Variants in PCDH7 observed in about 807,000 individuals in gnomAD.
The protein encoded by PCDH7 is protocadherin 7, also known as protocadherin-7.
Under a neutral mutation model 58.9 loss-of-function variants are expected in PCDH7, and 17 were observed. The ratio of observed to expected loss-of-function variants is 0.29; its 90% CI spans 0.20 to 0.43. The LOEUF is 0.43. PCDH7 is among the 20% of genes least tolerant of loss of function. The probability of loss-of-function intolerance (pLI) is 1.00; values close to 1 mark genes in which losing one functional copy is unlikely to be tolerated. For missense variants in PCDH7, 1,274 were observed against 1,441.0 expected (o/e 0.88, Z 1.88); for synonymous variants, 664 against 616.4 (o/e 1.08, Z -1.14).
intron 1 of PCDH7, among the ~76,000 whole-genome samples, chr4:30,858,607 A>G (rs1578070796): frequency 6.6e-6 from 1 of 152,332 alleles, no homozygotes; most frequent in South Asian, 2.1e-4. Flanking sequence ...TTTTAGAAAT[A>G]CCTTTCTGCA....
At chr4:30,885,065 C>A (rs887255240) in intron 1 of PCDH7, 2 of 152,096 alleles carry the variant, frequency 1.3e-5, no homozygotes, top group African/African-American at 4.8e-5. Flanking sequence ...GTGGCTTTGT[C>A]AACTGAGAAT....
chr4:30,792,257 A>G (rs918969306), intron 1 of PCDH7, among the ~76,000 whole-genome samples: 2 of 152,202 alleles, frequency 1.3e-5, no homozygotes, highest in Admixed American at 6.5e-5. Flanking sequence ...TGAAAGAAAT[A>G]TATTAATTAA....
At chr4:30,949,712 G>T (rs1578392246) in intron 2 of PCDH7, among the ~76,000 whole-genome samples, 2 of 152,174 alleles carry the variant, frequency 1.3e-5, no homozygotes, top group East Asian at 3.9e-4. Flanking sequence ...TAACAGCTAG[G>T]TAGAGACAGA....
chr4:31,045,737 C>T (rs966588510), intron 3 of PCDH7, among the ~76,000 whole-genome samples: 10 of 151,956 alleles, frequency 6.6e-5, no homozygotes, highest in Non-Finnish European at 1.3e-4. Context: ...TACATCCTTG[C>T]ATTAAGCTGG....
chr4:30,800,000 C>A (rs1200982588), intron 1 of PCDH7, among the ~76,000 whole-genome samples: 1 of 151,610 alleles, frequency 6.6e-6, no homozygotes. Flanking sequence ...ACTACAGGCA[C>A]ACACCACCAC....
At chr4:30,846,513 G>C (rs1447367) in intron 1 of PCDH7, among the ~76,000 whole-genome samples, 18,292 of 150,998 alleles carry the variant, frequency 0.12, 1,514 homozygotes, top group East Asian at 0.25. Flanking sequence ...TAAACTGCCC[G>C]GTCTGTGGTA....
chr4:31,041,386 C>A (rs1755843563), intron 3 of PCDH7, among the ~76,000 whole-genome samples: 3 of 152,016 alleles, frequency 2.0e-5, no homozygotes, highest in Admixed American at 2.0e-4. Flanking sequence ...ACCTTGCTTT[C>A]TTCTACTTGG....
At chr4:30,729,544 A>C (rs1365594353) in intron 1 of PCDH7, among the ~76,000 whole-genome samples, 1 of 152,074 alleles carries the variant, frequency 6.6e-6, no homozygotes, top group Non-Finnish European at 1.5e-5. Flanking sequence ...TAATATTAGC[A>C]GAACAATGAT....
chr4:30,884,259 A>G (rs779709877), intron 1 of PCDH7, among the ~76,000 whole-genome samples: 5 of 152,126 alleles, frequency 3.3e-5, no homozygotes, highest in Non-Finnish European at 5.9e-5. Context: ...CTGATATTTT[A>G]TAAACAGAAA....
intron 2 of PCDH7, among the ~76,000 whole-genome samples, chr4:30,923,167 C>T (rs2109417781): frequency 6.6e-6 from 1 of 152,076 alleles, no homozygotes; most frequent in East Asian, 1.9e-4. Flanking sequence ...AAACATTTTT[C>T]TTGAATTTTA....
At chr4:30,827,932 G>A (rs1383708022) in intron 1 of PCDH7, among the ~76,000 whole-genome samples, 1 of 152,118 alleles carries the variant, frequency 6.6e-6, no homozygotes, top group Non-Finnish European at 1.5e-5. Context: ...TAGTTACACT[G>A]CTGATATGTA....
intron 1 of PCDH7, among the ~76,000 whole-genome samples, chr4:30,759,859 A>G (rs1367062298): frequency 6.6e-6 from 1 of 152,158 alleles, no homozygotes; most frequent in Non-Finnish European, 1.5e-5. Flanking sequence ...TACATCTTAC[A>G]TATTACTTTT....
rs537686056 is a variant in PCDH7 at position 31,080,276 on chromosome 4, G to A, written c.*8-62197G>A. Among the ~76,000 whole-genome samples, 11 of 106,234 alleles carry A rather than the reference G, an allele frequency of 1.0e-4. No individual in the cohort carries two copies. The East Asian group carries it at 4.9e-3, about 47-fold the overall frequency. The allele number at this position is 106,234 out of a possible 152,430, so 69.7% of individuals were successfully genotyped here. A position where few individuals can be genotyped will look rare whatever the true frequency, so the allele number is the denominator to read the frequency against. ...CTGTAGATATTCTTTATCTTGTTTAGAAAGTTTTTTTTTTAACTAGCATAT... is the reference window on the plus strand; with the variant it reads ...CTGTAGATATTCTTTATCTTGTTTAAAAAGTTTTTTTTTTAACTAGCATAT... On this transcript the variant is annotated intron_variant, in intron 3 of 3. Transcript: ENST00000509759.
At chr4:31,105,920 T>C (rs1715499845) in intron 3 of PCDH7, among the ~76,000 whole-genome samples, 1 of 151,412 alleles carries the variant, frequency 6.6e-6, no homozygotes, top group African/African-American at 2.4e-5. Context: ...GGCAGGAGAA[T>C]GGCGTGAACC....
intron 1 of PCDH7, among the ~76,000 whole-genome samples, chr4:30,743,774 TTA>T (rs924574645): frequency 6.6e-6 from 1 of 151,880 alleles, no homozygotes; most frequent in African/African-American, 2.4e-5. Context: ...TCAAACTACT[TTA>T]TGTTTTAAAT....
At chr4:30,983,387 CTA>C (rs1750725272) in intron 3 of PCDH7, among the ~76,000 whole-genome samples, 1 of 152,178 alleles carries the variant, frequency 6.6e-6, no homozygotes, top group Non-Finnish European at 1.5e-5. Context: ...AAATCAGTCT[CTA>C]AAAACTTGAG....
intron 3 of PCDH7, among the ~76,000 whole-genome samples, chr4:31,029,397 C>T (rs1754711666): frequency 3.3e-5 from 5 of 152,106 alleles, no homozygotes; most frequent in Admixed American, 2.6e-4. Context: ...TCTAGAGGGG[C>T]GCTCAGCAGA....
chr4:31,072,426 C>T (rs1758623042), intron 3 of PCDH7, among the ~76,000 whole-genome samples: 1 of 151,850 alleles, frequency 6.6e-6, no homozygotes, highest in African/African-American at 2.4e-5. Context: ...TATAAGCAAA[C>T]ATAATGTGGA....
chr4:31,074,784 C>CAAAAAAAAAAAA lies in PCDH7; in HGVS notation c.*8-67677_*8-67666dup, dbSNP rs1157267696. Among the ~76,000 whole-genome samples the CAAAAAAAAAAAA allele has an allele frequency of 2.7e-3, 144 of 52,464 alleles. 23 individuals carry two copies. Among genetic ancestry groups the CAAAAAAAAAAAA allele is most frequent in the East Asian group, 0.018 (18 of 980 alleles). 34.4% of individuals were successfully genotyped at this position (52,464 alleles called of 152,430 possible). A position where few individuals can be genotyped will look rare whatever the true frequency, so the allele number is the denominator to read the frequency against. On this transcript the variant is annotated intron_variant, in intron 3 of 3. Coordinates refer to the PCDH7 transcript ENST00000509759. ...TGGGCTACAGAGGGAGATTCCGTCT[C>CAAAAAAAAAAAA]AAAAAAAAAAAAAAAAAAAAAAAGC... is the stretch of plus-strand genomic sequence containing the variant.
Sources: allele counts gnomAD v4.1 joint callset (sites outside exome capture counted in the v4.1 genomes callset), GRCh38; gene constraint gnomAD v4.1.1; transcripts MANE v1.5; gene names NCBI Gene and HGNC (gene_info 2026-07-23, HGNC 2026-07-21).